Variants in CDKAL1 observed in about 807,000 individuals in gnomAD.
CDKAL1 encodes CDKAL1 threonylcarbamoyladenosine tRNA methylthiotransferase.
A neutral mutation model predicts 68.2 loss-of-function variants in CDKAL1; 32 were observed. The observed-to-expected ratio is 0.47, with a 90% CI of 0.35 to 0.63. The LOEUF (loss-of-function observed/expected upper bound fraction) is 0.63, where lower values mean the gene tolerates loss of function less well. Ranked by LOEUF, CDKAL1 falls within the 30% of genes least tolerant of loss-of-function variation. CDKAL1 has a pLI of 0.00. For missense variants in CDKAL1, 606 were observed against 696.7 expected (o/e 0.87, Z 1.47); for synonymous variants, 234 against 244.3 (o/e 0.96, Z 0.39).
At chr6:20,711,887 C>G (rs916670318) in intron 5 of CDKAL1, among the ~76,000 whole-genome samples, 1 of 152,136 alleles carries the variant, frequency 6.6e-6, no homozygotes, top group African/African-American at 2.4e-5. Flanking sequence ...GGTAGAAAAC[C>G]ATTCTCAAAA....
chr6:20,611,621 T>C (rs369175029), intron 4 of CDKAL1, among the ~76,000 whole-genome samples: 15 of 152,206 alleles, frequency 9.9e-5, no homozygotes, highest in African/African-American at 3.1e-4. Flanking sequence ...AAAAAATTAA[T>C]ACATAATATG....
intron 9 of CDKAL1, among the ~76,000 whole-genome samples, chr6:20,870,357 A>G (rs761384232): frequency 1.3e-5 from 2 of 152,182 alleles, no homozygotes; most frequent in Non-Finnish European, 2.9e-5. Context: ...TTCCCCATTT[A>G]CTTTGAATAA....
chr6:20,554,134 A>G (rs529582083), intron 4 of CDKAL1, among the ~76,000 whole-genome samples: 2 of 152,346 alleles, frequency 1.3e-5, no homozygotes, highest in Admixed American at 6.5e-5. Context: ...TAAATAAACT[A>G]TTACAAAATC....
chr6:20,935,416 G>A (rs2150683300), intron 9 of CDKAL1, among the ~76,000 whole-genome samples: 1 of 151,032 alleles, frequency 6.6e-6, no homozygotes, highest in South Asian at 2.1e-4. Flanking sequence ...GCCCTGTATG[G>A]TGTGGAAAAT....
At chr6:20,852,452 C>G (rs1348555506) in intron 9 of CDKAL1, among the ~76,000 whole-genome samples, 1 of 152,122 alleles carries the variant, frequency 6.6e-6, no homozygotes, top group Non-Finnish European at 1.5e-5. Context: ...TTCTACCTGG[C>G]TTTTTCTTCT....
chr6:21,215,472 T>G (rs1463673289), intron 15 of CDKAL1, among the ~76,000 whole-genome samples: 1 of 152,112 alleles, frequency 6.6e-6, no homozygotes, highest in Non-Finnish European at 1.5e-5. Flanking sequence ...AATCTTGGTG[T>G]TTTTGCCTGT....
intron 15 of CDKAL1, among the ~76,000 whole-genome samples, chr6:21,226,914 G>A (rs182251414): frequency 1.3e-4 from 20 of 152,156 alleles, no homozygotes; most frequent in Admixed American, 6.5e-4. Flanking sequence ...GGGTTTCACC[G>A]TGTTAGCCAG....
At chr6:21,031,596 C>G (rs1261292782) in intron 11 of CDKAL1, among the ~76,000 whole-genome samples, 1 of 151,872 alleles carries the variant, frequency 6.6e-6, no homozygotes, top group Non-Finnish European at 1.5e-5. Context: ...CTCTGAGGGC[C>G]AGGCCTGGCT....
intron 4 of CDKAL1, among the ~76,000 whole-genome samples, chr6:20,600,058 G>A (rs1397380826): frequency 6.6e-6 from 1 of 152,210 alleles, no homozygotes; most frequent in East Asian, 1.9e-4. Flanking sequence ...AGATAGTTTA[G>A]GAGCAGTACT....
intron 10 of CDKAL1, among the ~76,000 whole-genome samples, chr6:20,990,523 A>G (rs1766737372): frequency 6.6e-6 from 1 of 152,236 alleles, no homozygotes; most frequent in South Asian, 2.1e-4. Context: ...TTAGCAGTTT[A>G]GAAGAGAATT....
chr6:20,544,595 C>CAAAAAAA (rs747920604), intron 2 of CDKAL1, among the ~76,000 whole-genome samples: 18 of 56,708 alleles, frequency 3.2e-4, no homozygotes, highest in African/African-American at 6.8e-4. Context: ...AACTCCGTCT[C>CAAAAAAA]AAAAAAAAAA....
chr6:20,915,936 T>TA (rs934935204), intron 9 of CDKAL1, among the ~76,000 whole-genome samples: 44 of 147,746 alleles, frequency 3.0e-4, no homozygotes, highest in South Asian at 1.9e-3. Context: ...TATGTTGAGT[T>TA]AAAAAAAAAA....
At chr6:20,597,168 G>A (rs182010013) in intron 4 of CDKAL1, among the ~76,000 whole-genome samples, 6 of 151,750 alleles carry the variant, frequency 4.0e-5, no homozygotes, top group Admixed American at 1.3e-4. Context: ...TCGCTTTGTC[G>A]CCCAGGCTGG....
At chr6:20,680,348 T>C (rs1210962141) in intron 5 of CDKAL1, among the ~76,000 whole-genome samples, 1 of 152,252 alleles carries the variant, frequency 6.6e-6, no homozygotes, top group Non-Finnish European at 1.5e-5. Flanking sequence ...ATTCCAGGCG[T>C]GAGCCACCAC....
chr6:21,205,241 G>C (rs749604692), intron 15 of CDKAL1, among the ~76,000 whole-genome samples: 2 of 152,196 alleles, frequency 1.3e-5, no homozygotes, highest in Non-Finnish European at 2.9e-5. Flanking sequence ...TGGCTGTTAT[G>C]AATAATATTT....
intron 4 of CDKAL1, among the ~76,000 whole-genome samples, chr6:20,588,570 A>T (rs1471334611): frequency 1.3e-5 from 2 of 152,198 alleles, no homozygotes; most frequent in African/African-American, 4.8e-5. Context: ...TTTCTATTTC[A>T]GGTTTTCCCT....
At chr6:20,759,431 A>G (rs997682065) in intron 7 of CDKAL1, among the ~76,000 whole-genome samples, 7 of 151,968 alleles carry the variant, frequency 4.6e-5, no homozygotes, top group African/African-American at 7.2e-5. Context: ...AGACCCATCT[A>G]CTCAGGAGGC....
intron 10 of CDKAL1, among the ~76,000 whole-genome samples, chr6:20,978,332 G>C (rs1176222929): frequency 6.6e-6 from 1 of 152,186 alleles, no homozygotes; most frequent in Non-Finnish European, 1.5e-5. Flanking sequence ...TTATTAGTAA[G>C]TGCCACAGTG....
chr6:20,812,588 G>A (rs1776867642), intron 8 of CDKAL1, among the ~76,000 whole-genome samples: 1 of 152,136 alleles, frequency 6.6e-6, no homozygotes, highest in Non-Finnish European at 1.5e-5. Context: ...TGTCAGTATA[G>A]ATTAGCTTGC....
Sources: gnomAD v4.1 joint callset for allele counts (sites outside exome capture counted in the v4.1 genomes callset) on GRCh38, gnomAD v4.1.1 for gene constraint, MANE v1.5 for transcripts, NCBI Gene and HGNC (gene_info 2026-07-23, HGNC 2026-07-21) for gene names.